Variants in TYMS observed in about 807,000 individuals in gnomAD.
TYMS encodes thymidylate synthetase, also known as thymidylate synthase.
Under a neutral mutation model 39.3 loss-of-function variants are expected in TYMS, and 21 were observed. The ratio of observed to expected loss-of-function variants is 0.54; its 90% confidence interval spans 0.38 to 0.77. The LOEUF (loss-of-function observed/expected upper bound fraction) is 0.77. Ranked by LOEUF, TYMS falls within the 30% of genes least tolerant of loss-of-function variation. The probability of loss-of-function intolerance (pLI) is 0.00; values close to 1 mark genes in which losing one functional copy is unlikely to be tolerated. For synonymous variants in TYMS, 171 were observed against 162.2 expected, an observed-to-expected ratio of 1.05 and a Z score of -0.41; for missense variants, 273 against 406.7, an observed-to-expected ratio of 0.67 and a Z score of 2.83.
rs371737383 is a variant in TYMS, at chr18:667,577, T to C, written c.455-1495T>C. 1.2e-4 allele frequency: 9 copies of C among 73,606 alleles called. 2 individuals carry two copies. Among genetic ancestry groups the C allele is most frequent in the African/African-American group, 7.5e-4 (7 of 9,382 alleles). The allele number at this position is 73,606 out of a possible 1,614,324, so 4.6% of individuals were successfully genotyped here. A position where few individuals can be genotyped will look rare whatever the true frequency, so the allele number is the denominator to read the frequency against. On this transcript the variant is annotated intron_variant, in intron 3 of 6. Coordinates refer to ENST00000323274, the MANE Select transcript of TYMS (RefSeq NM_001071.4). ...GAGATGGTGATGGTGATGGAGATGG[T>C]GATGGTGATGGTGATGGTGATGGTG... is the stretch of plus-strand genomic sequence containing the variant.
intron 2 of TYMS, among the ~76,000 whole-genome samples, chr18:661,927 G>A (rs1052596209): frequency 6.6e-6 from 1 of 152,256 alleles, no homozygotes; most frequent in Non-Finnish European, 1.5e-5. Flanking sequence ...GGAGGGTGCC[G>A]TGAGCCACGA....
chr18:665,264 G>T (rs2074798373), intron 3 of TYMS, among the ~76,000 whole-genome samples: 1 of 150,754 alleles, frequency 6.6e-6, no homozygotes, highest in Non-Finnish European at 1.5e-5. Context: ...TATGTGTCAA[G>T]GAATTTATCC....
rs1274767296 is a variant in TYMS, at chr18:673,259, A to T, written c.*262A>T. 1 of 309,492 alleles carries T rather than the reference A, an allele frequency of 3.2e-6. No homozygotes were observed. The highest frequency in any genetic ancestry group is 2.1e-5 in the African/African-American group (1 of 47,492). The allele number at this position is 309,492 out of a possible 1,614,324, so 19.2% of individuals were successfully genotyped here. A position where few individuals can be genotyped will look rare whatever the true frequency, so the allele number is the denominator to read the frequency against. ...GAACAAAGTGAGGAGAATGAAATGT[A>T]TGTGCTCTTAGCAAAAACATGTATG... On this transcript the variant is annotated 3_prime_UTR_variant, in exon 7 of 7. Coordinates refer to ENST00000323274, the MANE Select transcript of TYMS (RefSeq NM_001071.4).
At chr18:661,054 A>G (rs1019232563) in intron 2 of TYMS, among the ~76,000 whole-genome samples, 11 of 152,220 alleles carry the variant, frequency 7.2e-5, no homozygotes, top group African/African-American at 2.7e-4. Context: ...CAACATTCTT[A>G]AACTGGCTAG....
chr18:658,910 T>G lies in TYMS; in HGVS notation c.206-731T>G, dbSNP rs1196675803. 3.3e-5 allele frequency among the ~76,000 whole-genome samples: 5 copies of G among 152,190 alleles called. No individual in the cohort carries two copies. The highest frequency in any genetic ancestry group is 7.3e-5 in the Non-Finnish European group (5 of 68,030). On this transcript the variant is annotated intron_variant, in intron 1 of 6. Coordinates refer to ENST00000323274, the MANE Select transcript of TYMS (RefSeq NM_001071.4). This position sits in a 1 kb window ranked among gnomAD's most constrained non-coding sequence, Gnocchi z 4.5. ...GCCCACGGACCCATCTAGAGACGAA[T>G]ACATAGCAGCTGCTGTGGCTGATTG... is the stretch of plus-strand genomic sequence containing the variant.
intron 2 of TYMS, among the ~76,000 whole-genome samples, chr18:661,683 C>T (rs1164732250): frequency 6.6e-6 from 1 of 152,178 alleles, no homozygotes; most frequent in Non-Finnish European, 1.5e-5. Flanking sequence ...TGGGACCAGC[C>T]TACTTAAAGA....
Position 657,684 on chromosome 18 carries a change from TGGCCTGCCTCCGTCCCGCCGCGCC to T in TYMS, c.-58_-35del. 1 of 1,212,930 alleles carries T rather than the reference TGGCCTGCCTCCGTCCCGCCGCGCC, an allele frequency of 8.2e-7. No homozygotes were observed. The highest frequency in any genetic ancestry group is 1.1e-6 in the Non-Finnish European group (1 of 948,070). 75.1% of individuals were successfully genotyped at this position (1,212,930 alleles called of 1,614,324 possible). On this transcript the variant is annotated 5_prime_UTR_variant, in exon 1 of 7. Coordinates refer to ENST00000323274, the MANE Select transcript of TYMS (RefSeq NM_001071.4). ...CCTGCCTCCGTCCCGCCGCGCCACTTGGCCTGCCTCCGTCCCGCCGCGCCACTTCGCCTGCCTCCGTCCCCCGCC... is the reference window on the plus strand; with the variant it reads ...CCTGCCTCCGTCCCGCCGCGCCACTTACTTCGCCTGCCTCCGTCCCCCGCC...
rs757484292 is a variant in TYMS, at chr18:670,798, C to T, written c.663C>T (p.Leu221=). Residue 221 remains leucine, a synonymous_variant, in exon 5 of 7, where the codon CTC becomes CTT. Coordinates refer to ENST00000323274, the MANE Select transcript of TYMS (RefSeq NM_001071.4). ...ACCAGAGATCGGGAGACATGGGCCT[C>T]GGTGTGCCTTTCAACATCGCCAGCT... The part of the protein sequence containing the change: ...QLYQRSGDMG[L]GVPFNIASYA... The T allele has an allele frequency of 4.3e-5, 69 of 1,613,946 alleles. No homozygotes were observed. Among genetic ancestry groups the T allele is most frequent in the Admixed American group, 6.7e-5 (4 of 59,992 alleles).
Position 658,701 on chromosome 18 carries a change from C to T in TYMS, c.205+754C>T. 1 of 235,308 alleles carries T rather than the reference C, an allele frequency of 4.2e-6. No individual in the cohort carries two copies. Among genetic ancestry groups the T allele is most frequent in the South Asian group, 4.9e-5 (1 of 20,460 alleles). The allele number at this position is 235,308 out of a possible 1,614,324, so 14.6% of individuals were successfully genotyped here. A position where few individuals can be genotyped will look rare whatever the true frequency, so the allele number is the denominator to read the frequency against. On this transcript the variant is annotated intron_variant, in intron 1 of 6. Transcript: ENST00000323274. This position sits in a 1 kb window ranked among gnomAD's most constrained non-coding sequence, Gnocchi z 4.5. ...TGGCCCTCCCTAAGGCCACACCGTCCTGCCGTCCTGGATCCTGCGCCAGCT... is the reference window on the plus strand; with the variant it reads ...TGGCCCTCCCTAAGGCCACACCGTCTTGCCGTCCTGGATCCTGCGCCAGCT...
rs2075156290 is a variant in TYMS at position 673,347 on chromosome 18, A to AT, written c.*355dup. 1 of 231,264 alleles carries AT rather than the reference A, an allele frequency of 4.3e-6. No individual in the cohort carries two copies. The highest frequency in any genetic ancestry group is 8.5e-6 in the Non-Finnish European group (1 of 117,140). 14.3% of individuals were successfully genotyped at this position (231,264 alleles called of 1,614,324 possible). On this transcript the variant is annotated 3_prime_UTR_variant, in exon 7 of 7. Transcript: ENST00000323274. The stretch of plus-strand genomic sequence containing the variant: ...GAATTTCACAAGCTATTTTTGGAAT[A>AT]TTTTTAGAATATTTTAAGAATTTCA...
At chr18:657,992 G>A (rs772125266) in intron 1 of TYMS, 45 bp downstream of exon 1, 210 of 1,510,872 alleles carry the variant, frequency 1.4e-4, no homozygotes, top group Non-Finnish European at 1.7e-4. Context: ...GAAGGAGGGA[G>A]GCGCGGCTGG....
rs75075985 is a variant in TYMS, at chr18:660,367, T to A, written c.279+653T>A. On this transcript the variant is annotated intron_variant, in intron 2 of 6. Transcript: ENST00000323274. This position sits in a 1 kb window ranked among gnomAD's most constrained non-coding sequence, Gnocchi z 4.6. ...TTAAAACTGTGACTCTCCCCCAACC[T>A]CCTTGGTGTTTCTCCATAGACGAAC... is the stretch of plus-strand genomic sequence containing the variant. Among the ~76,000 whole-genome samples, 2,560 of 152,246 alleles carry A rather than the reference T, an allele frequency of 0.017. 167 individuals are homozygous for A. In the East Asian group the frequency reaches 0.24, roughly 14 times the overall value.
At position 658,154 on chromosome 18, in the gene TYMS, C is replaced by T; in HGVS notation, c.205+207C>T. 1 of 1,579,946 alleles carries T rather than the reference C, an allele frequency of 6.3e-7. No homozygotes were observed. Among genetic ancestry groups the T allele is most frequent in the Non-Finnish European group, 8.6e-7 (1 of 1,165,456 alleles). On this transcript the variant is annotated intron_variant, in intron 1 of 6. Transcript: ENST00000323274. This position sits in a 1 kb window ranked among gnomAD's most constrained non-coding sequence, Gnocchi z 4.5. ...TGACTGGCGCGGGCAACACACACAG[C>T]AGCGACAGCCGGGAGGTAAGCCGCG... is the stretch of plus-strand genomic sequence containing the variant.
chr18:666,975 A>T (rs375198236), intron 3 of TYMS, among the ~76,000 whole-genome samples: 5,369 of 12,346 alleles, frequency 0.43, 679 homozygotes, highest in Non-Finnish European at 0.46. Flanking sequence ...ATGGTGATGG[A>T]GATGGAGATG....
Position 662,129 on chromosome 18 carries a change from C to A in TYMS, c.280-17C>A. ...GATTTACCTGGATGCCTGCTCTGCTCTCCCCATCTCTTCCAGGGATCCACA... is the reference window on the plus strand; with the variant it reads ...GATTTACCTGGATGCCTGCTCTGCTATCCCCATCTCTTCCAGGGATCCACA... On this transcript the variant is annotated splice_polypyrimidine_tract_variant and intron_variant, in intron 2 of 6. Coordinates refer to ENST00000323274, the MANE Select transcript of TYMS (RefSeq NM_001071.4). The A allele has an allele frequency of 1.3e-6, 2 of 1,596,254 alleles. No individual in the cohort carries two copies. The highest frequency in any genetic ancestry group is 1.1e-5 in the South Asian group (1 of 87,220).
At chr18:671,140 C>G (rs1598480280) in intron 5 of TYMS, 1 of 614,032 alleles carries the variant, frequency 1.6e-6, no homozygotes, top group Non-Finnish European at 2.8e-6. Flanking sequence ...GGTATGGTGG[C>G]TCATGCCTGT....
rs2074711819 is a variant in TYMS, at chr18:658,165, G to A, written c.205+218G>A. The A allele has an allele frequency of 2.5e-6, 4 of 1,574,556 alleles. No individual in the cohort carries two copies. Among genetic ancestry groups the A allele is most frequent in the South Asian group, 2.3e-5 (2 of 86,772 alleles). Reference sequence around the variant, plus strand: ...GGCAACACACACAGCAGCGACAGCCGGGAGGTAAGCCGCGTCCCAGCGGCT... The same window carrying A: ...GGCAACACACACAGCAGCGACAGCCAGGAGGTAAGCCGCGTCCCAGCGGCT... On this transcript the variant is annotated intron_variant, in intron 1 of 6. Transcript: ENST00000323274. This position sits in a 1 kb window ranked among gnomAD's most constrained non-coding sequence, Gnocchi z 4.5.
Position 669,183 on chromosome 18 carries a change from A to G in TYMS, c.556+10A>G. On this transcript the variant is annotated intron_variant, in intron 4 of 6. Transcript: ENST00000323274. ...GCTTGGAATCCAAGAGGTTGAAAGAACCCCGTCGTCTTCATTTATACTAAC... is the reference window on the plus strand; with the variant it reads ...GCTTGGAATCCAAGAGGTTGAAAGAGCCCCGTCGTCTTCATTTATACTAAC... The G allele has an allele frequency of 6.2e-7, 1 of 1,611,970 alleles. No individual in the cohort carries two copies. Among genetic ancestry groups the G allele is most frequent in the Non-Finnish European group, 8.5e-7 (1 of 1,178,260 alleles).
chr18:662,662 C>T (rs1022671030), intron 3 of TYMS, among the ~76,000 whole-genome samples: 1 of 151,832 alleles, frequency 6.6e-6, no homozygotes, highest in African/African-American at 2.4e-5. Flanking sequence ...TATCCCTCCC[C>T]CCTCCTCCCA....
Sources: allele counts gnomAD v4.1 joint callset (sites outside exome capture counted in the v4.1 genomes callset), GRCh38; gene constraint gnomAD v4.1.1; non-coding constraint Gnocchi (gnomAD v3.1); transcripts MANE v1.5; gene names NCBI Gene and HGNC (gene_info 2026-07-23, HGNC 2026-07-21).